GHR: variants seen among roughly 807,000 people sequenced by gnomAD.
GHR encodes GH receptor.
A neutral mutation model predicts 67.1 loss-of-function variants in GHR; 35 were observed. The ratio of observed to expected loss-of-function variants is 0.52; its 90% confidence interval spans 0.40 to 0.69. The LOEUF (loss-of-function observed/expected upper bound fraction) is 0.69. Ranked by LOEUF, GHR falls within the 30% of genes least tolerant of loss-of-function variation. The pLI is 0.00. For missense variants in GHR, 792 were observed against 764.6 expected (o/e 1.04, Z -0.42); for synonymous variants, 272 against 269.1 (o/e 1.01, Z -0.10).
At chr5:42,497,125 T>C (rs1746354457) in intron 1 of GHR, among the ~76,000 whole-genome samples, 1 of 152,196 alleles carries the variant, frequency 6.6e-6, no homozygotes, top group South Asian at 2.1e-4. Context: ...GAAATTCTTA[T>C]CCTTGTTTCC....
intron 2 of GHR, 142 bp from the exon 3 acceptor site, chr5:42,628,896 C>T: frequency 1.6e-6 from 1 of 636,698 alleles, no homozygotes; most frequent in South Asian, 1.6e-5. Context: ...TGGCCAGGAA[C>T]CTTTCTCTGG....
At chr5:42,689,236 A>G (rs140483396) in intron 4 of GHR, among the ~76,000 whole-genome samples, 2,323 of 152,354 alleles carry the variant, frequency 0.015, 22 homozygotes, top group Middle Eastern at 0.051. Flanking sequence ...TACAAAAGAC[A>G]AAATCCCTGG....
intron 1 of GHR, among the ~76,000 whole-genome samples, chr5:42,458,442 C>T (rs1445486617): frequency 6.6e-6 from 1 of 151,072 alleles, no homozygotes; most frequent in Non-Finnish European, 1.5e-5. Flanking sequence ...AAGATTGAAG[C>T]TGGACCCCTC....
chr5:42,521,709 T>G (rs1051479217), intron 1 of GHR, among the ~76,000 whole-genome samples: 18 of 152,194 alleles, frequency 1.2e-4, no homozygotes, highest in Non-Finnish European at 8.8e-5. Context: ...CTGGGATTAC[T>G]TATTTATGAA....
intron 5 of GHR, among the ~76,000 whole-genome samples, chr5:42,696,764 T>C (rs78903921): frequency 0.027 from 4,158 of 152,232 alleles, 180 homozygotes; most frequent in African/African-American, 0.093. Flanking sequence ...TAGTTAACAG[T>C]CACAAAAGTC....
At chr5:42,518,203 CTGTG>C (rs10590736) in intron 1 of GHR, among the ~76,000 whole-genome samples, 23,190 of 149,398 alleles carry the variant, frequency 0.16, 1,952 homozygotes, top group Middle Eastern at 0.26. Context: ...ATTAATAATT[CTGTG>C]TGTGTGTGGG....
rs189734917 is a variant in GHR, at chr5:42,600,246, G to A, written c.71-28792G>A. On this transcript the variant is annotated intron_variant, in intron 2 of 9. Coordinates refer to ENST00000230882, the MANE Select transcript of GHR (RefSeq NM_000163.5). ...TAGGAAAGTAGACCCTGGAGATGGA[G>A]ATTCACATGTAGCACATTTATTAGG... 9.4e-4 allele frequency among the ~76,000 whole-genome samples: 143 copies of A among 152,310 alleles called. 1 individual carries two copies. The highest frequency in any genetic ancestry group is 3.4e-3 in the Middle Eastern group (1 of 294).
intron 2 of GHR, among the ~76,000 whole-genome samples, chr5:42,605,754 G>T (rs891850891): frequency 6.6e-6 from 1 of 152,234 alleles, no homozygotes; most frequent in East Asian, 1.9e-4. Flanking sequence ...TGGAAGCTTG[G>T]TTATGTTTCT....
intron 5 of GHR, among the ~76,000 whole-genome samples, chr5:42,696,405 G>A (rs77031398): frequency 6.6e-6 from 1 of 152,206 alleles, no homozygotes; most frequent in Non-Finnish European, 1.5e-5. Flanking sequence ...GGGCTGCACA[G>A]AGATGGTGAC....
At chr5:42,622,378 G>A (rs1419171505) in intron 2 of GHR, among the ~76,000 whole-genome samples, 1 of 152,202 alleles carries the variant, frequency 6.6e-6, no homozygotes, top group Non-Finnish European at 1.5e-5. Context: ...GCCCTGCAGA[G>A]GATATGGTGA....
rs1554021364 is a variant in GHR, at chr5:42,576,046, TAATAAAATAAAATAA to T, written c.70+10144_70+10158del. Among the ~76,000 whole-genome samples the T allele has an allele frequency of 9.7e-3, 540 of 55,878 alleles. 3 individuals carry two copies. Among genetic ancestry groups the T allele is most frequent in the Non-Finnish European group, 0.015 (435 of 28,422 alleles). 36.7% of individuals were successfully genotyped at this position (55,878 alleles called of 152,430 possible). On this transcript the variant is annotated intron_variant, in intron 2 of 9. Transcript: ENST00000230882. ...AACACTCTGTCTCAGAAAATTAAAA[TAATAAAATAAAATAA>T]AATAAAATAAAATAAAATAAAATAA...
intron 3 of GHR, among the ~76,000 whole-genome samples, chr5:42,638,352 T>C (rs1754305649): frequency 6.6e-6 from 1 of 152,224 alleles, no homozygotes; most frequent in Non-Finnish European, 1.5e-5. Flanking sequence ...TGCTTCATAG[T>C]AAACTCTTCT....
chr5:42,509,688 A>C (rs918400650), intron 1 of GHR, among the ~76,000 whole-genome samples: 16 of 149,670 alleles, frequency 1.1e-4, no homozygotes, highest in Non-Finnish European at 1.8e-4. Context: ...TGTCACCCCA[A>C]CTTCTATTAG....
chr5:42,654,631 G>C (rs758455330), intron 3 of GHR, among the ~76,000 whole-genome samples: 15 of 152,174 alleles, frequency 9.9e-5, no homozygotes, highest in Middle Eastern at 3.4e-3. Flanking sequence ...TGAGAGTTGA[G>C]ACCCAAAAAG....
At chr5:42,635,756 G>C (rs1754147462) in intron 3 of GHR, among the ~76,000 whole-genome samples, 1 of 152,120 alleles carries the variant, frequency 6.6e-6, no homozygotes, top group Non-Finnish European at 1.5e-5. Context: ...TCTGTGCATT[G>C]ACTTAGGCAC....
intron 1 of GHR, among the ~76,000 whole-genome samples, chr5:42,482,223 C>T (rs867704278): frequency 1.3e-5 from 2 of 152,122 alleles, no homozygotes; most frequent in African/African-American, 2.4e-5. Flanking sequence ...AATGCTGCTG[C>T]CTGATCGTTC....
intron 1 of GHR, among the ~76,000 whole-genome samples, chr5:42,550,898 G>T (rs1036596051): frequency 6.6e-6 from 1 of 152,264 alleles, no homozygotes; most frequent in Admixed American, 6.5e-5. Flanking sequence ...GCACCCTCAG[G>T]TTATGTTCTG....
intron 1 of GHR, among the ~76,000 whole-genome samples, chr5:42,448,894 C>G (rs1332843632): frequency 1.3e-5 from 2 of 152,110 alleles, no homozygotes; most frequent in African/African-American, 4.8e-5. Context: ...CTAGGGTGTC[C>G]TTTCCCCACT....
In GHR at chr5:42,712,903, T is replaced by A. The variant is rs867247088; in HGVS notation, c.785-526T>A. Reference sequence around the variant, plus strand: ...TAATTTATTGATATAAATACGTATATTTATAGCTGTAAAATATATGTTATT... The same window carrying A: ...TAATTTATTGATATAAATACGTATAATTATAGCTGTAAAATATATGTTATT... On this transcript the variant is annotated intron_variant, in intron 7 of 9. Coordinates refer to ENST00000230882, the MANE Select transcript of GHR (RefSeq NM_000163.5). Among the ~76,000 whole-genome samples, 47 of 151,366 alleles carry A rather than the reference T, an allele frequency of 3.1e-4. 1 individual carries two copies. The highest frequency in any genetic ancestry group is 3.5e-3 in the Middle Eastern group (1 of 288).
Sources: gnomAD v4.1 joint callset for allele counts (sites outside exome capture counted in the v4.1 genomes callset) on GRCh38, gnomAD v4.1.1 for gene constraint, MANE v1.5 for transcripts, NCBI Gene and HGNC (gene_info 2026-07-23, HGNC 2026-07-21) for gene names.